Variants in LRP1B observed in about 807,000 individuals in gnomAD.
LRP1B encodes the protein LDL receptor related protein 1B, also known as low-density lipoprotein receptor-related protein 1B.
Under a neutral mutation model 556.6 loss-of-function variants are expected in LRP1B, and 217 were observed. The ratio of observed to expected loss-of-function variants is 0.39; its 90% confidence interval spans 0.35 to 0.44. The LOEUF is 0.44. Ranked by LOEUF, LRP1B falls within the 20% of genes least tolerant of loss-of-function variation. LRP1B has a pLI of 1.00. For synonymous variants in LRP1B, 2,047 were observed against 1,865.8 expected (o/e 1.10, Z -2.50); for missense variants, 5,053 against 5,620.8 (o/e 0.90, Z 3.23).
intron 1 of LRP1B, among the ~76,000 whole-genome samples, chr2:142,004,520 T>C (rs1702746010): frequency 6.6e-6 from 1 of 151,908 alleles, no homozygotes; most frequent in Admixed American, 6.6e-5. Flanking sequence ...AAATTGCTAT[T>C]ATAGAAAATA....
At chr2:141,068,785 T>G (rs1238023688) in intron 7 of LRP1B, among the ~76,000 whole-genome samples, 1 of 151,972 alleles carries the variant, frequency 6.6e-6, no homozygotes, top group Non-Finnish European at 1.5e-5. Context: ...TTCCTTACCC[T>G]CACTATCTGC....
At chr2:141,054,974 G>A in intron 10 of LRP1B, 142 bp downstream of exon 10, 1 of 762,364 alleles carries the variant, frequency 1.3e-6, no homozygotes, top group African/African-American at 1.8e-5. Flanking sequence ...CTTATTTTGA[G>A]AAAAATGGAC....
rs1348924721 is a variant in LRP1B, at chr2:141,203,520, C to G, written c.851-14937G>C. 3.3e-5 allele frequency among the ~76,000 whole-genome samples: 5 copies of G among 152,098 alleles called. No homozygotes were observed. The East Asian group carries it at 9.6e-4, about 29-fold the overall frequency. ...TATATATGCACCCAATACAGGAGCA[C>G]CCAGAATCATAAAGCAAGTTTTTAG... On this transcript the variant is annotated intron_variant, in intron 6 of 90. Coordinates refer to ENST00000389484, the MANE Select transcript of LRP1B (RefSeq NM_018557.3).
intron 3 of LRP1B, among the ~76,000 whole-genome samples, chr2:141,285,954 C>T (rs2105398391): frequency 6.9e-6 from 1 of 145,582 alleles, no homozygotes; most frequent in Middle Eastern, 3.6e-3. Flanking sequence ...GTAGTCCCAG[C>T]TACTTGGGAG....
chr2:141,014,872 A>G (rs774705069), intron 13 of LRP1B, among the ~76,000 whole-genome samples: 12 of 152,128 alleles, frequency 7.9e-5, no homozygotes, highest in Non-Finnish European at 1.5e-4. Flanking sequence ...GTTAGCATCA[A>G]TCAACAACAG....
chr2:141,135,176 TA>T (rs1574110571), intron 7 of LRP1B, among the ~76,000 whole-genome samples: 1 of 151,854 alleles, frequency 6.6e-6, no homozygotes, highest in Admixed American at 6.6e-5. Context: ...ATACTTTTAG[TA>T]AAAAATTCTT....
intron 23 of LRP1B, among the ~76,000 whole-genome samples, chr2:140,890,030 T>C (rs1417315921): frequency 6.6e-6 from 1 of 151,970 alleles, no homozygotes; most frequent in African/African-American, 2.4e-5. Context: ...AACAGAGGAA[T>C]GACAAACTGT....
At chr2:140,441,130 G>A (rs542876200) in intron 66 of LRP1B, among the ~76,000 whole-genome samples, 1 of 152,072 alleles carries the variant, frequency 6.6e-6, no homozygotes, top group Non-Finnish European at 1.5e-5. Flanking sequence ...TTGTTACTAG[G>A]GTGATTGATA....
intron 41 of LRP1B, among the ~76,000 whole-genome samples, chr2:140,643,961 T>A (rs1049023373): frequency 6.6e-6 from 1 of 152,198 alleles, no homozygotes; most frequent in Non-Finnish European, 1.5e-5. Context: ...GAAAATTCTG[T>A]ACACATTTTT....
At chr2:141,822,140 G>C (rs1696775303) in intron 1 of LRP1B, among the ~76,000 whole-genome samples, 1 of 150,042 alleles carries the variant, frequency 6.7e-6, no homozygotes, top group Admixed American at 6.6e-5. Flanking sequence ...CAGAGAGAGA[G>C]AGAGAGAGAG....
chr2:142,102,663 C>G (rs1026345138), intron 1 of LRP1B, among the ~76,000 whole-genome samples: 2 of 151,616 alleles, frequency 1.3e-5, no homozygotes, highest in Non-Finnish European at 2.9e-5. Context: ...CTATGAAACT[C>G]GTGCCACAAA....
At chr2:141,153,041 ATTCT>A (rs1339208066) in intron 7 of LRP1B, among the ~76,000 whole-genome samples, 1 of 150,158 alleles carries the variant, frequency 6.7e-6, no homozygotes, top group East Asian at 1.9e-4. Context: ...AATCTTAACC[ATTCT>A]TTAAGAACCA....
intron 3 of LRP1B, among the ~76,000 whole-genome samples, chr2:141,347,419 T>C (rs771191671): frequency 1.3e-5 from 2 of 151,540 alleles, no homozygotes; most frequent in Admixed American, 6.6e-5. Context: ...ATTTTACCCA[T>C]TGAAACTTAA....
chr2:141,250,129 C>T (rs1423198028), intron 4 of LRP1B, among the ~76,000 whole-genome samples: 1 of 152,144 alleles, frequency 6.6e-6, no homozygotes, highest in Non-Finnish European at 1.5e-5. Context: ...ATATCTTTGG[C>T]CTTTGTTCAC....
intron 2 of LRP1B, among the ~76,000 whole-genome samples, chr2:141,523,137 T>C (rs1369798808): frequency 6.6e-6 from 1 of 151,378 alleles, no homozygotes; most frequent in East Asian, 1.9e-4. Flanking sequence ...CATCATGATG[T>C]AAGTGCTGTA....
At chr2:140,546,242 G>T (rs1257679703) in intron 43 of LRP1B, among the ~76,000 whole-genome samples, 1 of 152,048 alleles carries the variant, frequency 6.6e-6, no homozygotes, top group African/African-American at 2.4e-5. Flanking sequence ...AGGATATTTT[G>T]ATTTCCTCTT....
intron 41 of LRP1B, among the ~76,000 whole-genome samples, chr2:140,601,968 C>A (rs945837856): frequency 1.3e-5 from 2 of 152,022 alleles, no homozygotes; most frequent in African/African-American, 2.4e-5. Context: ...CAACGTGCAA[C>A]AACTTAGAGA....
chr2:140,413,855 T>A (rs1685066285), intron 66 of LRP1B, among the ~76,000 whole-genome samples: 1 of 152,192 alleles, frequency 6.6e-6, no homozygotes, highest in South Asian at 2.1e-4. Flanking sequence ...TCAAGTCTAG[T>A]ACAGTTTTTA....
chr2:141,010,558 A>T (rs6722818), intron 14 of LRP1B, among the ~76,000 whole-genome samples: 1 of 151,514 alleles, frequency 6.6e-6, no homozygotes, highest in Admixed American at 6.6e-5. Flanking sequence ...TCTGTAACTC[A>T]GGCTGGAGTG....
Sources: allele counts gnomAD v4.1 joint callset (sites outside exome capture counted in the v4.1 genomes callset), GRCh38; gene constraint gnomAD v4.1.1; transcripts MANE v1.5; gene names NCBI Gene and HGNC (gene_info 2026-07-23, HGNC 2026-07-21).